NOC3L: variants seen among roughly 807,000 people sequenced by gnomAD.
NOC3L encodes nucleolar complex protein 3 homolog.
In NOC3L, 85 loss-of-function variants were observed where a neutral mutation model predicts 102.5. That is an observed-to-expected ratio of 0.83 (90% CI 0.70 to 0.99). The LOEUF is 0.99. Ranked by LOEUF, NOC3L falls within the 50% of genes least tolerant of loss-of-function variation. The probability of loss-of-function intolerance (pLI) is 0.00; values close to 1 mark genes in which losing one functional copy is unlikely to be tolerated. For synonymous variants in NOC3L, 303 were observed against 309.4 expected (o/e 0.98, Z 0.22); for missense variants, 878 against 914.9 (o/e 0.96, Z 0.52).
chr10:94,348,112 C>G (rs1660730799), intron 10 of NOC3L, among the ~76,000 whole-genome samples: 1 of 149,316 alleles, frequency 6.7e-6, no homozygotes, highest in Non-Finnish European at 1.5e-5. Flanking sequence ...CAGATTATAT[C>G]AAATATATAC....
At chr10:94,343,615 C>T (rs2054310370) in intron 13 of NOC3L, among the ~76,000 whole-genome samples, 1 of 152,170 alleles carries the variant, frequency 6.6e-6, no homozygotes, top group African/African-American at 2.4e-5. Context: ...AGTTGTACTG[C>T]CCAACAATGG....
chr10:94,344,812 T>A (rs3758527), intron 12 of NOC3L, 41 bp downstream of exon 12: 7 of 1,443,096 alleles, frequency 4.9e-6, no homozygotes, highest in Non-Finnish European at 6.6e-6. Context: ...TTAAACAACT[T>A]AACGCATTTT....
intron 9 of NOC3L, among the ~76,000 whole-genome samples, chr10:94,349,879 C>A (rs1182405816): frequency 6.6e-6 from 1 of 152,142 alleles, no homozygotes; most frequent in Non-Finnish European, 1.5e-5. Flanking sequence ...CTGCCTCAGC[C>A]TCCCAAGTAG....
intron 11 of NOC3L, among the ~76,000 whole-genome samples, chr10:94,345,145 T>C (rs145407884): frequency 2.0e-5 from 3 of 152,232 alleles, no homozygotes; most frequent in East Asian, 1.9e-4. Context: ...AAGAATGAGA[T>C]TGGAGAGAGA....
At chr10:94,354,706 T>A (rs1306907136) in intron 6 of NOC3L, among the ~76,000 whole-genome samples, 1 of 152,198 alleles carries the variant, frequency 6.6e-6, no homozygotes, top group Non-Finnish European at 1.5e-5. Context: ...TTATAAGATG[T>A]CCAGTATTTT....
At chr10:94,319,062 A>T in the NOC3L span, among the ~76,000 whole-genome samples, 365 of 152,290 alleles carry the variant, frequency 2.4e-3, 3 homozygotes, top group African/African-American at 8.4e-3. Context: ...AACAAAAAAA[A>T]GTATATGACA....
At chr10:94,344,537 A>T in intron 12 of NOC3L, 22 bp from the exon 13 acceptor site, 1 of 1,549,696 alleles carries the variant, frequency 6.5e-7, no homozygotes, top group Non-Finnish European at 8.9e-7. Flanking sequence ...GACAGACAAA[A>T]TGACTTTAGG....
In NOC3L at chr10:94,341,797, G is replaced by A. The variant is rs772619146; in HGVS notation, c.1572-52C>T. The A allele has an allele frequency of 1.0e-5, 11 of 1,062,424 alleles. No homozygotes were observed. The African/African-American group carries it at 1.1e-4, about 11-fold the overall frequency. The allele number at this position is 1,062,424 out of a possible 1,614,324, so 65.8% of individuals were successfully genotyped here. A position where few individuals can be genotyped will look rare whatever the true frequency, so the allele number is the denominator to read the frequency against. On this transcript the variant is annotated intron_variant, in intron 13 of 20. Coordinates refer to ENST00000371361, the MANE Select transcript of NOC3L (RefSeq NM_022451.11). ...GTGAACTAAAAGCAGAAATAAAGCT[G>A]GTAGAAATTAAGCTTGACTTTAAAA...
At chr10:94,351,185 T>C (rs182554320) in intron 8 of NOC3L, among the ~76,000 whole-genome samples, 181 of 152,186 alleles carry the variant, frequency 1.2e-3, no homozygotes, top group Admixed American at 3.1e-3. Context: ...CAAACACTAA[T>C]AGGGTGCCAG....
At chr10:94,336,470 C>A (rs1419373032) in intron 19 of NOC3L, among the ~76,000 whole-genome samples, 1 of 151,928 alleles carries the variant, frequency 6.6e-6, no homozygotes, top group African/African-American at 2.4e-5. Flanking sequence ...GCCTCAGCTT[C>A]CCAAGTAGCT....
chr10:94,351,064 T>C (rs2054410395), intron 8 of NOC3L, among the ~76,000 whole-genome samples: 1 of 152,186 alleles, frequency 6.6e-6, no homozygotes, highest in South Asian at 2.1e-4. Flanking sequence ...ATGTGGCTCA[T>C]GTTATAGTTC....
chr10:94,349,976 T>C, intron 9 of NOC3L, 137 bp downstream of exon 9: 1 of 692,578 alleles, frequency 1.4e-6, no homozygotes, highest in Non-Finnish European at 2.4e-6. Context: ...GCTGGGGTGG[T>C]CTCGATCTCC....
intron 11 of NOC3L, among the ~76,000 whole-genome samples, chr10:94,345,190 T>C (rs2054329388): frequency 6.6e-6 from 1 of 152,130 alleles, no homozygotes; most frequent in Admixed American, 6.6e-5. Context: ...ATGGTTTCTT[T>C]CTTTTCCAGG....
chr10:94,344,794 T>G (rs553600486), intron 12 of NOC3L, 59 bp downstream of exon 12: 45 of 1,347,114 alleles, frequency 3.3e-5, no homozygotes, highest in Non-Finnish European at 4.2e-5. Context: ...AAACAATAAA[T>G]TTCTAGTTTA....
chr10:94,340,894 T>C (rs983117576), intron 14 of NOC3L, among the ~76,000 whole-genome samples: 1 of 148,102 alleles, frequency 6.8e-6, no homozygotes, highest in African/African-American at 2.5e-5. Flanking sequence ...GGCAGGAGAA[T>C]GGTGTGAACC....
At chr10:94,344,714 T>C in intron 12 of NOC3L, 139 bp downstream of exon 12, 6 of 704,860 alleles carry the variant, frequency 8.5e-6, no homozygotes, top group Non-Finnish European at 1.4e-5. Context: ...ACATCACAGT[T>C]TCCCGCACAT....
At position 94,339,883 on chromosome 10, in the gene NOC3L, G is replaced by T; in HGVS notation, c.1818C>A (p.Cys606Ter). 1 of 1,614,120 alleles carries T rather than the reference G, an allele frequency of 6.2e-7. No individual in the cohort carries two copies. Among genetic ancestry groups the T allele is most frequent in the South Asian group, 1.1e-5 (1 of 91,080 alleles). ...TNEGVEIVLQ[C>*]LDVMLTKRRK... ...TGCGCTTAGTTAGCATGACATCAAG[G>T]CACTGGAGTACAATCTCAACACCTT... The change falls in exon 17 of 21, where the codon TGC (cysteine) becomes TGA (stop). Residue 606 changes from cysteine (C) to a stop codon, truncating the protein, a stop_gained. Transcript: ENST00000371361. LOFTEE classifies it high-confidence loss of function.
chr10:94,334,381 A>G (rs2054193242), intron 20 of NOC3L, 76 bp from the exon 21 acceptor site: 1 of 913,842 alleles, frequency 1.1e-6, no homozygotes, highest in Non-Finnish European at 1.7e-6. Flanking sequence ...CCAAGTTGAA[A>G]ATGGCAACAG....
At chr10:94,342,893 T>A (rs1298845975) in intron 13 of NOC3L, among the ~76,000 whole-genome samples, 2 of 152,070 alleles carry the variant, frequency 1.3e-5, no homozygotes, top group Admixed American at 1.3e-4. Flanking sequence ...GAGACCAGCC[T>A]GGCCAACATG....
Sources: gnomAD v4.1 joint callset for allele counts (sites outside exome capture counted in the v4.1 genomes callset) on GRCh38, gnomAD v4.1.1 for gene constraint, MANE v1.5 for transcripts, NCBI Gene and HGNC (gene_info 2026-07-23, HGNC 2026-07-21) for gene names.